Variants in PPP1R13L observed in about 807,000 individuals in gnomAD.
PPP1R13L encodes the protein relA-associated inhibitor.
In PPP1R13L, 50 loss-of-function variants were observed where a neutral mutation model predicts 80.9. That is an observed-to-expected ratio of 0.62 (90% CI 0.49 to 0.78). The LOEUF (loss-of-function observed/expected upper bound fraction) is 0.78, where lower values mean the gene tolerates loss of function less well. Ranked by LOEUF, PPP1R13L falls within the 30% of genes least tolerant of loss-of-function variation. PPP1R13L has a pLI of 0.00. For missense variants in PPP1R13L, 1,200 were observed against 1,205.9 expected (o/e 1.00, Z 0.07); for synonymous variants, 602 against 534.3 (o/e 1.13, Z -1.75).
intron 12 of PPP1R13L, 120 bp downstream of exon 12, chr19:45,382,407 A>T (rs1356422256): frequency 1.6e-6 from 2 of 1,221,616 alleles, no homozygotes; most frequent in African/African-American, 3.0e-5. Flanking sequence ...TGAGCTTTTC[A>T]GACCTCCCTC....
upstream of PPP1R13L, among the ~76,000 whole-genome samples, chr19:45,405,375 C>G (rs1973315363): frequency 6.6e-6 from 1 of 152,198 alleles, no homozygotes; most frequent in Admixed American, 6.5e-5. Context: ...GCACTATCCC[C>G]TTTCCTGATC....
Position 45,382,723 on chromosome 19 carries a change from A to T in PPP1R13L, c.2252T>A (p.Val751Asp), listed in dbSNP as rs1371984962. 8 of 1,613,800 alleles carry T rather than the reference A, an allele frequency of 5.0e-6. No individual in the cohort carries two copies. The highest frequency in any genetic ancestry group is 5.1e-6 in the Non-Finnish European group (6 of 1,180,022). The change falls in exon 12 of 13, where the codon GTC becomes GAC. Residue 751 changes from valine (V) to aspartate (D), a missense_variant. This residue lies in a region of PPP1R13L where 165 missense variants were observed against 177.1 expected (regional missense o/e 0.93). Coordinates refer to ENST00000360957, the MANE Select transcript of PPP1R13L (RefSeq NM_006663.4). ...YADCATYLADVEQSMGLMNSG... is the reference protein window; with the variant it reads ...YADCATYLADDEQSMGLMNSG... ...GTTCATCAGCCCCATACTCTGCTCG[A>T]CGTCTGAAACATGCCACGGAGGGGA...
In PPP1R13L at chr19:45,396,639, G is replaced by A. The variant is rs747930224; in HGVS notation, c.618C>T (p.Pro206=). ...FFPERGPSPR[P]PATAYDAPAS... Reference sequence around the variant, plus strand: ...CTGGCGCGTCGTAGGCTGTGGCAGGGGGGCGCGGTGACGGCCCACGCTCGG... The same window carrying A: ...CTGGCGCGTCGTAGGCTGTGGCAGGAGGGCGCGGTGACGGCCCACGCTCGG... The change falls in exon 4 of 13, where the codon CCC becomes CCT. Residue 206 remains proline, a synonymous_variant. Transcript: ENST00000360957. This position sits in a 1 kb window ranked among gnomAD's most constrained non-coding sequence, Gnocchi z 5.3. 9.6e-5 allele frequency: 141 copies of A among 1,473,394 alleles called. No homozygotes were observed. Among genetic ancestry groups the A allele is most frequent in the Non-Finnish European group, 1.2e-4 (134 of 1,122,680 alleles). 91.3% of individuals were successfully genotyped at this position (1,473,394 alleles called of 1,614,324 possible). A position where few individuals can be genotyped will look rare whatever the true frequency, so the allele number is the denominator to read the frequency against.
chr19:45,384,308 G>C (rs1972823521), intron 11 of PPP1R13L, among the ~76,000 whole-genome samples: 1 of 146,894 alleles, frequency 6.8e-6, no homozygotes, highest in South Asian at 2.2e-4. Flanking sequence ...ATCCTCTGAG[G>C]TCAGGGGTTT....
intron 8 of PPP1R13L, among the ~76,000 whole-genome samples, chr19:45,391,085 C>A (rs1394141532): frequency 2.6e-5 from 4 of 151,894 alleles, no homozygotes; most frequent in Non-Finnish European, 4.4e-5. Context: ...ATAATCCCAG[C>A]TACTTGGGAA....
intron 8 of PPP1R13L, among the ~76,000 whole-genome samples, chr19:45,391,245 C>T (rs528564528): frequency 1.3e-4 from 20 of 151,628 alleles, no homozygotes; most frequent in Non-Finnish European, 2.4e-4. Context: ...ACAAGAGACA[C>T]AGAGACAGAG....
intron 8 of PPP1R13L, among the ~76,000 whole-genome samples, chr19:45,389,374 C>T (rs1361835157): frequency 6.6e-6 from 1 of 152,188 alleles, no homozygotes; most frequent in African/African-American, 2.4e-5. Context: ...GTGTTCAGGA[C>T]TGTTCCATGT....
rs1467952410 is a variant in PPP1R13L at position 45,392,248 on chromosome 19, G to A, written c.1447C>T (p.Pro483Ser). 1.9e-6 allele frequency: 3 copies of A among 1,613,132 alleles called. No homozygotes were observed. The highest frequency in any genetic ancestry group is 1.3e-5 in the African/African-American group (1 of 74,932). Residue 483 changes from proline to serine, a missense_variant, in exon 8 of 13, where the codon CCT becomes TCT. This residue lies in a region of PPP1R13L where 764 missense variants were observed against 714.5 expected (regional missense o/e 1.07). Coordinates refer to ENST00000360957, the MANE Select transcript of PPP1R13L (RefSeq NM_006663.4). ...GTGGGGCTGAGAGGCCTTGCTACAG[G>A]GCCTTCATCCACATCGCCAGCCTCC... Reference protein sequence around the residue: ...VLEAGDVDEGPVARPLSPTRL... With the variant: ...VLEAGDVDEGSVARPLSPTRL...
In PPP1R13L at chr19:45,385,801, C is replaced by G. The variant is rs753675377; in HGVS notation, c.2081+23G>C. On this transcript the variant is annotated intron_variant, in intron 10 of 12. Coordinates refer to ENST00000360957, the MANE Select transcript of PPP1R13L (RefSeq NM_006663.4). The stretch of plus-strand genomic sequence containing the variant: ...CGCGTCCGCCCACGGGGGACCCAGC[C>G]CACCGCGCGGGTCGGGGCTCACCAG... 3.7e-6 allele frequency: 6 copies of G among 1,609,842 alleles called. No individual in the cohort carries two copies. In the East Asian group the frequency reaches 1.1e-4, roughly 30 times the overall value.
chr19:45,394,111 T>C (rs890287531), intron 7 of PPP1R13L, among the ~76,000 whole-genome samples: 8 of 152,106 alleles, frequency 5.3e-5, no homozygotes, highest in African/African-American at 1.9e-4. Flanking sequence ...CCTCAAAATA[T>C]TAATAAATTA....
chr19:45,397,705 G>A (rs1163704544), intron 3 of PPP1R13L, among the ~76,000 whole-genome samples: 1 of 151,672 alleles, frequency 6.6e-6, no homozygotes, highest in Non-Finnish European at 1.5e-5. Flanking sequence ...TGATCCGCCT[G>A]TCTCTGAAAG....
chr19:45,400,270 G>GTGGAGGGCCAGGT (rs1568563396), intron 1 of PPP1R13L, among the ~76,000 whole-genome samples: 1 of 151,520 alleles, frequency 6.6e-6, no homozygotes, highest in African/African-American at 2.4e-5. Context: ...GGTGGCCAGG[G>GTGGAGGGCCAGGT]GTGGAGGGGC....
At position 45,386,082 on chromosome 19, in the gene PPP1R13L, C is replaced by G; in HGVS notation, c.1914G>C (p.Gly638=). ...CCGCCTGCTGCACCACCTCCAGCTC[C>G]CCGGTCAGCGCCGCGTCCAGGAGGA... is the stretch of plus-strand genomic sequence containing the variant. ...LVLLLDAALT[G]ELEVVQQAVK... Residue 638 remains glycine, a synonymous_variant, in exon 9 of 13, where the codon GGG becomes GGC. Transcript: ENST00000360957. 3 of 1,581,986 alleles carry G rather than the reference C, an allele frequency of 1.9e-6. No individual in the cohort carries two copies. Among genetic ancestry groups the G allele is most frequent in the Non-Finnish European group, 2.6e-6 (3 of 1,168,024 alleles).
chr19:45,392,920 C>T (rs1029348926), intron 7 of PPP1R13L: 1 of 157,462 alleles, frequency 6.4e-6, no homozygotes. Flanking sequence ...AATCCCAGAA[C>T]TTTGGGAGGC....
chr19:45,400,286 T>C (rs746226061), intron 1 of PPP1R13L, among the ~76,000 whole-genome samples: 5 of 151,832 alleles, frequency 3.3e-5, no homozygotes, highest in African/African-American at 1.2e-4. Context: ...GGGGCAGCTG[T>C]GGTCACTGGC....
upstream of PPP1R13L, chr19:45,406,232 T>G: frequency 1.1e-6 from 1 of 941,260 alleles, no homozygotes; most frequent in Non-Finnish European, 1.3e-6. The surrounding 1 kb of genome is among the most constrained non-coding windows in gnomAD (Gnocchi z 4.2). Flanking sequence ...GTGAGGCATC[T>G]GGGCCTCCCC....
rs773174859 is a variant in PPP1R13L at position 45,391,764 on chromosome 19, A to T, written c.1815+116T>A. ...CTGGGCTGCAAACTCTTGGACTTCT[A>T]CTCAAAAGAGGAGAAAACTTCGATC... is the stretch of plus-strand genomic sequence containing the variant. On this transcript the variant is annotated intron_variant, in intron 8 of 12. Transcript: ENST00000360957. 2.2e-5 allele frequency: 17 copies of T among 758,652 alleles called. No homozygotes were observed. The South Asian group carries it at 6.3e-4, about 28-fold the overall frequency. The allele number at this position is 758,652 out of a possible 1,614,324, so 47.0% of individuals were successfully genotyped here.
Position 45,396,793 on chromosome 19 carries a change from C to G in PPP1R13L, c.464G>C (p.Arg155Pro), listed in dbSNP as rs545583269. The part of the protein sequence containing the change: ...AFDGAGSSLG[R>P]APSPRPGPGP... ...TGGCCCGGGCCGCGGGGAGGGCGCACGGCCGAGGGAGCTGCCTGCGCCATC... is the reference window on the plus strand; with the variant it reads ...TGGCCCGGGCCGCGGGGAGGGCGCAGGGCCGAGGGAGCTGCCTGCGCCATC... The change falls in exon 4 of 13, where the codon CGT becomes CCT. Residue 155 changes from arginine to proline, a missense_variant. Physicochemically the swap from Arg to Pro is moderately radical, Grantham distance 103 (BLOSUM62 -2). Around this residue, in one of 5 missense-constraint regions of PPP1R13L, gnomAD observed 764 missense variants for 714.5 expected, o/e 1.07. Transcript: ENST00000360957. This position sits in a 1 kb window ranked among gnomAD's most constrained non-coding sequence, Gnocchi z 5.3. 1.5e-6 allele frequency: 2 copies of G among 1,377,814 alleles called. No individual in the cohort carries two copies. Among genetic ancestry groups the G allele is most frequent in the Non-Finnish European group, 1.9e-6 (2 of 1,075,498 alleles). The allele number at this position is 1,377,814 out of a possible 1,614,324, so 85.3% of individuals were successfully genotyped here.
rs112904634 is a variant in PPP1R13L, at chr19:45,385,454, G to A, written c.2248+108C>T. 2.9e-3 allele frequency: 3,636 copies of A among 1,275,024 alleles called. 10 individuals carry two copies. The highest frequency in any genetic ancestry group is 3.5e-3 in the Non-Finnish European group (3,316 of 948,552). 79.0% of individuals were successfully genotyped at this position (1,275,024 alleles called of 1,614,324 possible). A position where few individuals can be genotyped will look rare whatever the true frequency, so the allele number is the denominator to read the frequency against. On this transcript the variant is annotated intron_variant, in intron 11 of 12. Coordinates refer to ENST00000360957, the MANE Select transcript of PPP1R13L (RefSeq NM_006663.4). ...CTCCTCCTCGGCAATCCTGCCAAGT[G>A]GTTGGTACAGCCCCCATACCCTTCT...
Sources: allele counts gnomAD v4.1 joint callset (sites outside exome capture counted in the v4.1 genomes callset), GRCh38; gene constraint gnomAD v4.1.1; regional missense constraint gnomAD v4.1.1; non-coding constraint Gnocchi (gnomAD v3.1); transcripts MANE v1.5; gene names NCBI Gene and HGNC (gene_info 2026-07-23, HGNC 2026-07-21).